Variants in KIF6 observed in about 807,000 individuals in gnomAD.
The protein encoded by KIF6 is kinesin-like protein KIF6.
In KIF6, 106 loss-of-function variants were observed where a neutral mutation model predicts 112.7. The observed-to-expected ratio is 0.94, with a 90% confidence interval of 0.80 to 1.11. KIF6 has a LOEUF of 1.11. KIF6 is among the 50% of genes least tolerant of loss of function. KIF6 has a pLI of 0.00. For missense variants in KIF6, 929 were observed against 964.0 expected (o/e 0.96, Z 0.48); for synonymous variants, 339 against 339.9 (o/e 1.00, Z 0.03).
At position 39,428,615 on chromosome 6, in the gene KIF6, G is replaced by A. The variant is rs946517743; in HGVS notation, c.1754+2438C>T. 2.6e-5 allele frequency among the ~76,000 whole-genome samples: 4 copies of A among 152,076 alleles called. No homozygotes were observed. The East Asian group carries it at 7.7e-4, about 29-fold the overall frequency. On this transcript the variant is annotated intron_variant, in intron 14 of 22. Coordinates refer to ENST00000287152, the MANE Select transcript of KIF6 (RefSeq NM_145027.6). ...ATCCCCATGCCCTGCTCCCATTCTT[G>A]TGGGTAAAGTATGCTAAAGTATATC...
At chr6:39,670,644 G>A (rs746070028) in intron 3 of KIF6, among the ~76,000 whole-genome samples, 1 of 152,032 alleles carries the variant, frequency 6.6e-6, no homozygotes, top group Non-Finnish European at 1.5e-5. Context: ...AAGTAAATAG[G>A]ATCCTCCGCA....
chr6:39,481,293 A>C (rs1233154873), intron 13 of KIF6, among the ~76,000 whole-genome samples: 3 of 152,182 alleles, frequency 2.0e-5, no homozygotes, highest in African/African-American at 7.2e-5. Flanking sequence ...ATAGGAACTG[A>C]AGTGGGAACA....
intron 18 of KIF6, 56 bp downstream of exon 18, chr6:39,360,339 A>C: frequency 6.2e-7 from 1 of 1,603,354 alleles, no homozygotes; most frequent in Non-Finnish European, 8.5e-7. Context: ...TGACAGCCCC[A>C]GTGGGGCTGC....
At chr6:39,626,694 A>G (rs1784112877) in intron 5 of KIF6, among the ~76,000 whole-genome samples, 1 of 152,150 alleles carries the variant, frequency 6.6e-6, no homozygotes, top group African/African-American at 2.4e-5. Flanking sequence ...CTGGTATTTC[A>G]AAAAACAACT....
intron 3 of KIF6, among the ~76,000 whole-genome samples, chr6:39,653,565 T>C (rs551903995): frequency 2.0e-5 from 3 of 152,160 alleles, no homozygotes; most frequent in Admixed American, 6.5e-5. Flanking sequence ...ATGCCTGACA[T>C]CTAAAAACTC....
In KIF6 at chr6:39,334,054, TA is replaced by T. The variant is rs1264239971; in HGVS notation, c.*2477del. On this transcript the variant is annotated 3_prime_UTR_variant, in exon 23 of 23. Coordinates refer to ENST00000287152, the MANE Select transcript of KIF6 (RefSeq NM_145027.6). ...TCCATATCAAAGGCTGGGCTTCCAT[TA>T]GGGGATGTTCGGAGCAAAAGGCCCC... The T allele has an allele frequency of 2.0e-5, 3 of 152,354 alleles. No homozygotes were observed. The highest frequency in any genetic ancestry group is 4.4e-5 in the Non-Finnish European group (3 of 68,042). The allele number at this position is 152,354 out of a possible 1,614,324, so 9.4% of individuals were successfully genotyped here. A position where few individuals can be genotyped will look rare whatever the true frequency, so the allele number is the denominator to read the frequency against.
At chr6:39,361,329 C>T (rs748632682) in intron 17 of KIF6, among the ~76,000 whole-genome samples, 1 of 151,794 alleles carries the variant, frequency 6.6e-6, no homozygotes, top group Non-Finnish European at 1.5e-5. Flanking sequence ...GAGGCTGAGG[C>T]GGGTGGATCA....
At chr6:39,634,998 C>G (rs757599341) in intron 4 of KIF6, 40 bp from the exon 5 acceptor site, 2 of 1,086,602 alleles carry the variant, frequency 1.8e-6, no homozygotes, top group Non-Finnish European at 2.9e-6. Context: ...TCGGTTATAA[C>G]AATGATTCTG....
chr6:39,544,697 T>C lies in KIF6; in HGVS notation c.1288-4A>G. 1 of 1,559,276 alleles carries C rather than the reference T, an allele frequency of 6.4e-7. No homozygotes were observed. Among genetic ancestry groups the C allele is most frequent in the South Asian group, 1.2e-5 (1 of 84,508 alleles). Reference sequence around the variant, plus strand: ...TCTTCTTGTCATTCAATAGTTTCTGTAAGATAAAATAAGAGCTTAGTACCC... The same window carrying C: ...TCTTCTTGTCATTCAATAGTTTCTGCAAGATAAAATAAGAGCTTAGTACCC... On this transcript the variant is annotated splice_polypyrimidine_tract_variant and splice_region_variant and intron_variant, in intron 11 of 22. Transcript: ENST00000287152.
chr6:39,532,571 G>A (rs1295721335), intron 13 of KIF6, among the ~76,000 whole-genome samples: 2 of 152,134 alleles, frequency 1.3e-5, no homozygotes, highest in Non-Finnish European at 2.9e-5. Flanking sequence ...GGTTTCCTGG[G>A]ATTTTGAGTT....
intron 16 of KIF6, among the ~76,000 whole-genome samples, chr6:39,375,455 A>G (rs752138385): frequency 6.6e-5 from 10 of 152,230 alleles, no homozygotes; most frequent in Admixed American, 1.3e-4. Flanking sequence ...TGTACCCCCA[A>G]AATATATACA....
intron 15 of KIF6, among the ~76,000 whole-genome samples, chr6:39,401,061 T>C (rs541005674): frequency 1.3e-5 from 2 of 152,354 alleles, no homozygotes; most frequent in East Asian, 3.9e-4. Context: ...GATAATACAA[T>C]GGGTGAACAA....
intron 3 of KIF6, among the ~76,000 whole-genome samples, chr6:39,697,482 CTT>C (rs1788612137): frequency 6.6e-6 from 1 of 151,722 alleles, no homozygotes; most frequent in Admixed American, 6.6e-5. Context: ...GTTTCCATCT[CTT>C]GTCATTGAAA....
chr6:39,720,666 G>A (rs2113901419), intron 2 of KIF6, 36 bp downstream of exon 2: 6 of 1,084,886 alleles, frequency 5.5e-6, no homozygotes, highest in Non-Finnish European at 8.6e-6. Context: ...GTTCAATAAT[G>A]AAACAGAAAT....
intron 2 of KIF6, among the ~76,000 whole-genome samples, chr6:39,717,681 G>A (rs754620702): frequency 6.6e-6 from 1 of 152,160 alleles, no homozygotes; most frequent in Non-Finnish European, 1.5e-5. Flanking sequence ...GCTTTGTTGT[G>A]TTCCCTGCTG....
chr6:39,552,689 A>C (rs1416195326), intron 10 of KIF6, among the ~76,000 whole-genome samples: 1 of 152,234 alleles, frequency 6.6e-6, no homozygotes, highest in Non-Finnish European at 1.5e-5. Flanking sequence ...CAAACAACAT[A>C]GTTAATGAGA....
intron 11 of KIF6, 100 bp from the exon 12 acceptor site, chr6:39,544,793 ATGTGTGAC>A: frequency 1.6e-6 from 1 of 640,176 alleles, no homozygotes; most frequent in Admixed American, 3.1e-5. Flanking sequence ...CACATCAGGC[ATGTGTGAC>A]CTGTCTGATG....
At chr6:39,702,498 A>G (rs2113840051) in intron 3 of KIF6, among the ~76,000 whole-genome samples, 1 of 152,370 alleles carries the variant, frequency 6.6e-6, no homozygotes, top group East Asian at 1.9e-4. Flanking sequence ...TATGGCAATG[A>G]CATAATTGGA....
chr6:39,687,905 T>A (rs1179145343), intron 3 of KIF6, among the ~76,000 whole-genome samples: 1 of 152,136 alleles, frequency 6.6e-6, no homozygotes, highest in Non-Finnish European at 1.5e-5. Context: ...AGGACCCCAA[T>A]AGGAAATAGA....
Sources: allele counts gnomAD v4.1 joint callset (sites outside exome capture counted in the v4.1 genomes callset), GRCh38; gene constraint gnomAD v4.1.1; transcripts MANE v1.5; gene names NCBI Gene and HGNC (gene_info 2026-07-23, HGNC 2026-07-21).